THEM5: variants seen among roughly 807,000 people sequenced by gnomAD.
THEM5 encodes the protein thioesterase superfamily member 5, also known as acyl-coenzyme A thioesterase THEM5.
THEM5 carries 28 observed loss-of-function variants against 24.2 expected under a neutral mutation model. The observed-to-expected ratio is 1.16, with a 90% CI of 0.86 to 1.59. THEM5 has a LOEUF of 1.59. THEM5 is among the 40% of genes most tolerant of loss of function. The pLI, the probability that THEM5 is intolerant of heterozygous loss-of-function variation, is 0.00. For missense variants in THEM5, 260 were observed against 296.8 expected, an observed-to-expected ratio of 0.88 and a Z score of 0.91; for synonymous variants, 87 against 114.5, an observed-to-expected ratio of 0.76 and a Z score of 1.53.
rs374861686 is a variant in THEM5, at chr1:151,851,174, T to C, written c.343A>G (p.Ile115Val). The C allele has an allele frequency of 2.5e-6, 4 of 1,614,190 alleles. No homozygotes were observed. The highest frequency in any genetic ancestry group is 2.2e-5 in the East Asian group (1 of 44,884). The part of the protein sequence containing the change: ...AVSSDKGDCR[I>V]FTRCIQVEGQ... ...TCCACTTGGATGCACCTGGTGAAGATGCGACAGTCACCTTTGTCTGGGGAG... is the reference window on the plus strand; with the variant it reads ...TCCACTTGGATGCACCTGGTGAAGACGCGACAGTCACCTTTGTCTGGGGAG... The change falls in exon 3 of 6, where the codon ATC becomes GTC. Residue 115 changes from isoleucine to valine, a missense_variant. Ile to Val is a conservative substitution (Grantham distance 29). Coordinates refer to ENST00000368817, the MANE Select transcript of THEM5 (RefSeq NM_182578.4).
chr1:151,848,095 C>T (rs1213511510), intron 4 of THEM5, 87 bp downstream of exon 4: 2 of 1,448,336 alleles, frequency 1.4e-6, no homozygotes, highest in Admixed American at 1.7e-5. Context: ...GCAGGCAGGG[C>T]TCCTACACCC....
At position 151,852,314 on chromosome 1, in the gene THEM5, G is replaced by T; in HGVS notation, c.269C>A (p.Ser90Tyr). Reference protein sequence around the residue: ...SGWIKLPSFKSNRDHIRGLKL... With the variant: ...SGWIKLPSFKYNRDHIRGLKL... ...GAGTCCCCGGATGTGGTCTCTGTTG[G>T]ACTTGAAGGAGGGCAGCTTGATCCA... is the stretch of plus-strand genomic sequence containing the variant. Residue 90 changes from serine to tyrosine, a missense_variant, in exon 2 of 6, where the codon TCC becomes TAC. Physicochemically the swap from Ser to Tyr is moderately radical, Grantham distance 144. Transcript: ENST00000368817. The T allele has an allele frequency of 6.2e-7, 1 of 1,614,124 alleles. No homozygotes were observed. Among genetic ancestry groups the T allele is most frequent in the Non-Finnish European group, 8.5e-7 (1 of 1,180,026 alleles).
At position 151,847,131 on chromosome 1, in the gene THEM5, A is replaced by G. The variant is rs183381858; in HGVS notation, c.*240T>C. ...CTGTGAGACTTTATTTACTCAGAGA[A>G]AAGGGTCCTTTCCCTCGCCTCACCA... On this transcript the variant is annotated 3_prime_UTR_variant, in exon 6 of 6. Transcript: ENST00000368817. The G allele has an allele frequency of 1.4e-6, 1 of 721,918 alleles. No homozygotes were observed. Among genetic ancestry groups the G allele is most frequent in the East Asian group, 2.7e-5 (1 of 37,136 alleles). The allele number at this position is 721,918 out of a possible 1,614,324, so 44.7% of individuals were successfully genotyped here. A position where few individuals can be genotyped will look rare whatever the true frequency, so the allele number is the denominator to read the frequency against.
At chr1:151,851,270 C>T in intron 2 of THEM5, 79 bp from the exon 3 acceptor site, 1 of 1,580,794 alleles carries the variant, frequency 6.3e-7, no homozygotes, top group East Asian at 2.2e-5. Context: ...TGAGTCTTGC[C>T]TCTGGTACAA....
At chr1:151,848,920 T>C (rs1041575837) in intron 3 of THEM5, among the ~76,000 whole-genome samples, 13 of 152,348 alleles carry the variant, frequency 8.5e-5, no homozygotes, top group Admixed American at 3.3e-4. Flanking sequence ...ATTTGCTTTA[T>C]TTAGAATGCA....
At chr1:151,848,421 G>A (rs1006096014) in intron 3 of THEM5, 129 bp from the exon 4 acceptor site, 3 of 694,792 alleles carry the variant, frequency 4.3e-6, no homozygotes, top group South Asian at 1.8e-5. Flanking sequence ...AAACACAGAC[G>A]TTCAGCCTCA....
In THEM5 at chr1:151,851,074, G is replaced by A. The variant is rs756246769; in HGVS notation, c.443C>T (p.Ser148Phe). The change falls in exon 3 of 6, where the codon TCC becomes TTC. Residue 148 changes from serine (S) to phenylalanine (F), a missense_variant. Coordinates refer to ENST00000368817, the MANE Select transcript of THEM5 (RefSeq NM_182578.4). Reference protein sequence around the residue: ...KKSVCLFQPGSYLEGPPGFAH... With the variant: ...KKSVCLFQPGFYLEGPPGFAH... ...TTACCCTGGGGGCCCCTCCAGGTAGGAGCCTGGTTGGAAAAGACAGACCGA... is the reference window on the plus strand; with the variant it reads ...TTACCCTGGGGGCCCCTCCAGGTAGAAGCCTGGTTGGAAAAGACAGACCGA... 6.2e-7 allele frequency: 1 copy of A among 1,614,184 alleles called. No individual in the cohort carries two copies. Among genetic ancestry groups the A allele is most frequent in the Non-Finnish European group, 8.5e-7 (1 of 1,180,012 alleles).
Position 151,851,077 on chromosome 1 carries a change from C to T in THEM5, c.440G>A (p.Gly147Asp). ...QKKSVCLFQP[G>D]SYLEGPPGFA... ...CCCTGGGGGCCCCTCCAGGTAGGAG[C>T]CTGGTTGGAAAAGACAGACCGACTT... The change falls in exon 3 of 6, where the codon GGC becomes GAC. Residue 147 changes from glycine to aspartate, a missense_variant. Transcript: ENST00000368817. 1.2e-6 allele frequency: 2 copies of T among 1,614,176 alleles called. No homozygotes were observed. Among genetic ancestry groups the T allele is most frequent in the South Asian group, 2.2e-5 (2 of 91,078 alleles).
chr1:151,853,338 T>C, intron 1 of THEM5, 105 bp downstream of exon 1: 4 of 1,420,724 alleles, frequency 2.8e-6, no homozygotes, highest in Non-Finnish European at 3.7e-6. Context: ...CTCCGAACAC[T>C]GCCCACCTGC....
chr1:151,848,893 G>A (rs1029953297), intron 3 of THEM5, among the ~76,000 whole-genome samples: 1 of 152,232 alleles, frequency 6.6e-6, no homozygotes, highest in Non-Finnish European at 1.5e-5. Context: ...GAGCTGAAAT[G>A]CTCAAATGCC....
At chr1:151,852,224 G>A in intron 2 of THEM5, 34 bp downstream of exon 2, 1 of 1,602,018 alleles carries the variant, frequency 6.2e-7, no homozygotes, top group Non-Finnish European at 8.5e-7. Flanking sequence ...GGGAAGGGCG[G>A]CTGGGGTGTG....
chr1:151,847,992 C>CTTT, intron 4 of THEM5, 130 bp from the exon 5 acceptor site: 2 of 1,514,208 alleles, frequency 1.3e-6, no homozygotes, highest in Non-Finnish European at 1.8e-6. Context: ...GGGCTCAGGG[C>CTTT]CTTTTTGTCA....
In THEM5 at chr1:151,851,187, T is replaced by C; in HGVS notation, c.330A>G (p.Lys110=). The C allele has an allele frequency of 6.2e-7, 1 of 1,614,188 alleles. No individual in the cohort carries two copies. The highest frequency in any genetic ancestry group is 8.5e-7 in the Non-Finnish European group (1 of 1,180,020). The change falls in exon 3 of 6, where the codon AAA becomes AAG. Residue 110 remains lysine, a synonymous_variant. Transcript: ENST00000368817. ...ACCTGGTGAAGATGCGACAGTCACCTTTGTCTGGGGAGAGATAGGCAGTGT... is the reference window on the plus strand; with the variant it reads ...ACCTGGTGAAGATGCGACAGTCACCCTTGTCTGGGGAGAGATAGGCAGTGT... The part of the protein sequence containing the change: ...LPSGLAVSSD[K]GDCRIFTRCI...
At chr1:151,847,561 A>T (rs2101696570) in intron 5 of THEM5, 147 bp from the exon 6 acceptor site, 1 of 1,393,130 alleles carries the variant, frequency 7.2e-7, no homozygotes, top group East Asian at 2.3e-5. Flanking sequence ...TAGAAAAAAA[A>T]ATCCTAGTTC....
Position 151,852,441 on chromosome 1 carries a change from C to A in THEM5, c.142G>T (p.Glu48Ter). 6.2e-7 allele frequency: 1 copy of A among 1,614,168 alleles called. No individual in the cohort carries two copies. The highest frequency in any genetic ancestry group is 1.1e-5 in the South Asian group (1 of 91,082). The part of the protein sequence containing the change: ...TDSMFSRFLP[E>*]KTDLKDYALP... ...GCATAATCCTTCAAGTCTGTCTTCTCTGGCAAGAATCTTGAGAACTGGGCA... is the reference window on the plus strand; with the variant it reads ...GCATAATCCTTCAAGTCTGTCTTCTATGGCAAGAATCTTGAGAACTGGGCA... The change falls in exon 2 of 6, where the codon GAG becomes TAG. Residue 48 changes from glutamate to a stop codon, truncating the protein, a stop_gained. Transcript: ENST00000368817. LOFTEE classifies it high-confidence loss of function.
chr1:151,847,661 T>C (rs1417417485), intron 5 of THEM5, 77 bp downstream of exon 5: 5 of 1,579,374 alleles, frequency 3.2e-6, no homozygotes, highest in Non-Finnish European at 4.3e-6. Context: ...ATCATTGGCA[T>C]CTTTTCTTCC....
Position 151,848,202 on chromosome 1 carries a change from A to C in THEM5, c.555T>G (p.Ser185Arg). 1 of 1,614,106 alleles carries C rather than the reference A, an allele frequency of 6.2e-7. No individual in the cohort carries two copies. Among genetic ancestry groups the C allele is most frequent in the Non-Finnish European group, 8.5e-7 (1 of 1,180,012 alleles). Reference sequence around the variant, plus strand: ...CTTACTTTTTGAACCTGATGTTGAGACTTAGTGTGAACAGCCCCTCTCCAG... The same window carrying C: ...CTTACTTTTTGAACCTGATGTTGAGCCTTAGTGTGAACAGCCCCTCTCCAG... ...FLAGEGLFTL[S>R]LNIRFKNLIP... is the part of the protein sequence containing the mutation. The change falls in exon 4 of 6, where the codon AGT becomes AGG. Residue 185 changes from serine to arginine, a missense_variant. Transcript: ENST00000368817.
rs778172770 is a variant in THEM5 at position 151,853,448 on chromosome 1, A to C, written c.118T>G (p.Ser40Ala). 3.7e-6 allele frequency: 6 copies of C among 1,613,282 alleles called. No individual in the cohort carries two copies. Among genetic ancestry groups the C allele is most frequent in the Middle Eastern group, 1.7e-4 (1 of 6,050 alleles). Residue 40 changes from serine to alanine, a missense_variant, in exon 1 of 6, where the codon TCC becomes GCC. Ser to Ala is a moderately conservative substitution (Grantham distance 99). Coordinates refer to ENST00000368817, the MANE Select transcript of THEM5 (RefSeq NM_182578.4). ...TGGCTGAGCTGGGAACTCACCATGGAGTCTGTGGAGGATCCAAATGCTGAG... is the reference window on the plus strand; with the variant it reads ...TGGCTGAGCTGGGAACTCACCATGGCGTCTGTGGAGGATCCAAATGCTGAG... ...PASAFGSSTD[S>A]MFSRFLPEKT...
At position 151,853,553 on chromosome 1, in the gene THEM5, A is replaced by G. The variant is rs756474422; in HGVS notation, c.13T>C (p.Cys5Arg). The change falls in exon 1 of 6, where the codon TGC becomes CGC. Residue 5 changes from cysteine (C) to arginine (R), a missense_variant. Coordinates refer to ENST00000368817, the MANE Select transcript of THEM5 (RefSeq NM_182578.4). Reference sequence around the variant, plus strand: ...CCAAGTCTTGCTGCCACCTGGAAGCATCTCCTTATCATGGCCAAGTGCAAG... The same window carrying G: ...CCAAGTCTTGCTGCCACCTGGAAGCGTCTCCTTATCATGGCCAAGTGCAAG... MIRR[C>R]FQVAARLGHH... 1 of 1,612,822 alleles carries G rather than the reference A, an allele frequency of 6.2e-7. No individual in the cohort carries two copies. Among genetic ancestry groups the G allele is most frequent in the Non-Finnish European group, 8.5e-7 (1 of 1,179,324 alleles).
Sources: gnomAD v4.1 joint callset for allele counts (sites outside exome capture counted in the v4.1 genomes callset) on GRCh38, gnomAD v4.1.1 for gene constraint, MANE v1.5 for transcripts, NCBI Gene and HGNC (gene_info 2026-07-23, HGNC 2026-07-21) for gene names.